Variants in STK39 observed in about 807,000 individuals in gnomAD.
The protein encoded by STK39 is STE20/SPS1-related proline-alanine-rich protein kinase.
In STK39, 20 loss-of-function variants were observed where a neutral mutation model predicts 77.8. That is an observed-to-expected ratio of 0.26 (90% CI 0.18 to 0.37). The LOEUF is 0.37. STK39 is among the 10% of genes least tolerant of loss of function. STK39 has a pLI of 1.00. For synonymous variants in STK39, 246 were observed against 234.1 expected, an observed-to-expected ratio of 1.05 and a Z score of -0.47; for missense variants, 479 against 656.5, an observed-to-expected ratio of 0.73 and a Z score of 2.95.
chr2:168,228,669 A>AAT (rs1690368976), intron 1 of STK39, among the ~76,000 whole-genome samples: 1 of 152,156 alleles, frequency 6.6e-6, no homozygotes, highest in South Asian at 2.1e-4. Context: ...ACATGCCTGT[A>AAT]ATCTCAGCTG....
chr2:168,221,940 C>T (rs888696693), intron 1 of STK39, among the ~76,000 whole-genome samples: 1 of 152,168 alleles, frequency 6.6e-6, no homozygotes, highest in African/African-American at 2.4e-5. Context: ...TCCACTCTTC[C>T]CACCCTGTTT....
chr2:167,959,727 T>C (rs2105519725), intron 17 of STK39, among the ~76,000 whole-genome samples: 1 of 152,314 alleles, frequency 6.6e-6, no homozygotes, highest in South Asian at 2.1e-4. Flanking sequence ...GTTTCCTGCC[T>C]TGTTAGGAAA....
intron 16 of STK39, 108 bp from the exon 17 acceptor site, chr2:167,964,834 A>G: frequency 1.1e-6 from 1 of 889,712 alleles, no homozygotes; most frequent in Non-Finnish European, 1.8e-6. Context: ...AAACTGCAAA[A>G]TCATTTTTCA....
chr2:168,104,125 A>T (rs1385881454), intron 10 of STK39, among the ~76,000 whole-genome samples: 8 of 152,222 alleles, frequency 5.3e-5, no homozygotes, highest in Non-Finnish European at 7.3e-5. Flanking sequence ...ATCTGGGGAT[A>T]TATATGTACA....
intron 1 of STK39, among the ~76,000 whole-genome samples, chr2:168,206,225 T>C (rs774809082): frequency 3.9e-5 from 6 of 152,012 alleles, no homozygotes; most frequent in Non-Finnish European, 8.8e-5. Flanking sequence ...CCTACCTTTC[T>C]AGCACAAGCA....
At chr2:168,183,358 C>A (rs553691421) in intron 1 of STK39, among the ~76,000 whole-genome samples, 2 of 152,280 alleles carry the variant, frequency 1.3e-5, no homozygotes, top group South Asian at 4.1e-4. Flanking sequence ...ACCCACTGCA[C>A]AGTAGACACT....
At chr2:168,201,496 C>T (rs114022234) in intron 1 of STK39, among the ~76,000 whole-genome samples, 3,581 of 152,248 alleles carry the variant, frequency 0.024, 88 homozygotes, top group East Asian at 0.078. Context: ...GTCAGTGAGC[C>T]GGCCTCACAC....
chr2:168,169,970 C>T (rs895632529), intron 2 of STK39, among the ~76,000 whole-genome samples: 1 of 152,182 alleles, frequency 6.6e-6, no homozygotes, highest in African/African-American at 2.4e-5. Context: ...GTCCCCAACT[C>T]CTGCACCATC....
intron 10 of STK39, among the ~76,000 whole-genome samples, chr2:168,123,872 CAAA>C (rs60490866): frequency 0.099 from 11,821 of 119,700 alleles, 862 homozygotes; most frequent in African/African-American, 0.22. Flanking sequence ...GATTCCATCT[CAAA>C]AAAAAAAAAA....
chr2:168,169,070 A>G (rs1436582020), intron 2 of STK39, among the ~76,000 whole-genome samples: 1 of 152,216 alleles, frequency 6.6e-6, no homozygotes, highest in Non-Finnish European at 1.5e-5. Flanking sequence ...TTTTCTTCTC[A>G]GTATATAACA....
At chr2:167,989,235 TA>T (rs1683638138) in intron 16 of STK39, among the ~76,000 whole-genome samples, 1 of 152,114 alleles carries the variant, frequency 6.6e-6, no homozygotes, top group South Asian at 2.1e-4. Flanking sequence ...TGAAGAATAA[TA>T]AACTTCATTT....
intron 10 of STK39, among the ~76,000 whole-genome samples, chr2:168,096,435 G>A (rs1686668558): frequency 6.6e-6 from 1 of 152,094 alleles, no homozygotes; most frequent in Non-Finnish European, 1.5e-5. Context: ...GCAGATAAAT[G>A]AGATCATGTG....
chr2:168,093,703 A>T (rs1002695176), intron 10 of STK39, among the ~76,000 whole-genome samples: 3 of 152,114 alleles, frequency 2.0e-5, no homozygotes, highest in African/African-American at 7.2e-5. Flanking sequence ...CCAGTCCACC[A>T]ACCTGACCCC....
intron 16 of STK39, among the ~76,000 whole-genome samples, chr2:168,003,685 CAT>C (rs1340041442): frequency 2.0e-5 from 3 of 152,148 alleles, no homozygotes; most frequent in African/African-American, 4.8e-5. Context: ...AAACTTAACA[CAT>C]AGACAACTTT....
At chr2:168,099,974 G>A (rs1686776951) in intron 10 of STK39, among the ~76,000 whole-genome samples, 3 of 152,100 alleles carry the variant, frequency 2.0e-5, no homozygotes, top group African/African-American at 7.2e-5. Flanking sequence ...ATTTCAAGTG[G>A]AACAATTTGA....
intron 16 of STK39, 54 bp downstream of exon 16, chr2:168,012,580 C>T: frequency 6.8e-7 from 1 of 1,474,756 alleles, no homozygotes; most frequent in Middle Eastern, 1.7e-4. Flanking sequence ...CTTCCAAACA[C>T]ATTTCCATTT....
intron 10 of STK39, 113 bp downstream of exon 10, chr2:168,129,428 T>C: frequency 5.3e-6 from 6 of 1,141,200 alleles, no homozygotes; most frequent in Non-Finnish European, 7.7e-6. Context: ...TAATGAGATA[T>C]AGCGTCTGAA....
chr2:168,132,284 C>G (rs923883613), intron 8 of STK39, among the ~76,000 whole-genome samples: 1 of 152,100 alleles, frequency 6.6e-6, no homozygotes, highest in African/African-American at 2.4e-5. Context: ...AAGCCCTCAT[C>G]ATCTCTGGCT....
rs538492035 is a variant in STK39, at chr2:168,158,116, G to A, written c.628+3671C>T. 1.4e-4 allele frequency among the ~76,000 whole-genome samples: 22 copies of A among 152,198 alleles called. No individual in the cohort carries two copies. In the South Asian group the frequency reaches 3.7e-3, roughly 26 times the overall value. ...AAATTGGAAGATAAAATGCTATGCC[G>A]TGGGAAGAACATGACTTTCGAGTAG... On this transcript the variant is annotated intron_variant, in intron 5 of 17. Transcript: ENST00000355999.
Sources: gnomAD v4.1 joint callset for allele counts (sites outside exome capture counted in the v4.1 genomes callset) on GRCh38, gnomAD v4.1.1 for gene constraint, MANE v1.5 for transcripts, NCBI Gene and HGNC (gene_info 2026-07-23, HGNC 2026-07-21) for gene names.